ATP10B: variants seen among roughly 807,000 people sequenced by gnomAD.
ATP10B encodes ATPase phospholipid transporting 10B (putative).
Under a neutral mutation model 141.2 loss-of-function variants are expected in ATP10B, and 122 were observed. The ratio of observed to expected loss-of-function variants is 0.86; its 90% CI spans 0.75 to 1.00. The LOEUF is 1.00. Among genes scored for constraint, ATP10B ranks in the 50% least tolerant of loss-of-function variants. The probability of loss-of-function intolerance (pLI) is 0.00; values close to 1 mark genes in which losing one functional copy is unlikely to be tolerated. For missense variants in ATP10B, 1,876 were observed against 1,825.3 expected (o/e 1.03, Z -0.51); for synonymous variants, 685 against 692.0 (o/e 0.99, Z 0.16).
the ATP10B span, among the ~76,000 whole-genome samples, chr5:160,902,070 G>A: frequency 2.4e-4 from 36 of 152,204 alleles, no homozygotes; most frequent in African/African-American, 7.7e-4. Context: ...TCCTGATGGA[G>A]GAAAGGTATG....
intron 2 of ATP10B, among the ~76,000 whole-genome samples, chr5:160,721,260 A>T (rs1437147141): frequency 6.6e-6 from 1 of 152,294 alleles, no homozygotes; most frequent in African/African-American, 2.4e-5. Flanking sequence ...GATGATGCTC[A>T]CTTGATTTAC....
intron 2 of ATP10B, among the ~76,000 whole-genome samples, chr5:160,751,630 CTT>C (rs1352156587): frequency 6.6e-6 from 1 of 152,114 alleles, no homozygotes; most frequent in African/African-American, 2.4e-5. Context: ...TCCGGAGACT[CTT>C]GGCTGCTGGT....
intron 1 of ATP10B, among the ~76,000 whole-genome samples, chr5:160,814,537 C>A (rs56819261): frequency 7.1e-6 from 1 of 141,390 alleles, no homozygotes; most frequent in African/African-American, 2.5e-5. Context: ...ACGGGGAGAA[C>A]GGACCCAAGT....
chr5:160,879,537 T>TAA, the ATP10B span, among the ~76,000 whole-genome samples: 516 of 134,882 alleles, frequency 3.8e-3, 1 homozygote, highest in East Asian at 8.7e-3. Flanking sequence ...AAAGTAAAAT[T>TAA]AAAAAAAAAA....
intron 7 of ATP10B, among the ~76,000 whole-genome samples, chr5:160,652,863 A>T (rs1760886973): frequency 2.1e-5 from 2 of 95,266 alleles, no homozygotes; most frequent in South Asian, 5.7e-4. Context: ...TATAAATTAT[A>T]TATAATATAT....
chr5:160,917,288 G>C, the ATP10B span, among the ~76,000 whole-genome samples: 1 of 47,420 alleles, frequency 2.1e-5, no homozygotes, highest in Non-Finnish European at 4.2e-5. Context: ...TTTTTTTTTT[G>C]GTGCATTATC....
At chr5:160,730,383 T>C (rs1561796003) in intron 2 of ATP10B, among the ~76,000 whole-genome samples, 1 of 152,094 alleles carries the variant, frequency 6.6e-6, no homozygotes, top group Non-Finnish European at 1.5e-5. Context: ...GATGAGGAAC[T>C]TGAGGCAAAT....
At chr5:160,887,566 C>A in the ATP10B span, among the ~76,000 whole-genome samples, 1 of 152,142 alleles carries the variant, frequency 6.6e-6, no homozygotes, top group African/African-American at 2.4e-5. Context: ...GAGCCCAAGT[C>A]CTTAAAGGCC....
Position 160,588,039 on chromosome 5 carries a change from G to A in ATP10B, c.3750+1553C>T, listed in dbSNP as rs560778128. 3.9e-5 allele frequency among the ~76,000 whole-genome samples: 6 copies of A among 152,172 alleles called. No homozygotes were observed. The South Asian group carries it at 6.2e-4, about 16-fold the overall frequency. ...TAATTTTTGTATTTTTAGTAGAGAT[G>A]GGGTTTCACCATGTTGGCCAGGCTG... is the stretch of plus-strand genomic sequence containing the variant. On this transcript the variant is annotated intron_variant, in intron 24 of 25. Coordinates refer to ENST00000327245, the MANE Select transcript of ATP10B (RefSeq NM_025153.3).
At chr5:160,798,578 C>T (rs891588896) in intron 1 of ATP10B, among the ~76,000 whole-genome samples, 1 of 152,082 alleles carries the variant, frequency 6.6e-6, no homozygotes, top group Admixed American at 6.5e-5. Flanking sequence ...CTCCTCTCTC[C>T]TAGACCCTTC....
chr5:160,646,745 A>G (rs1291304670), intron 8 of ATP10B, among the ~76,000 whole-genome samples: 1 of 152,012 alleles, frequency 6.6e-6, no homozygotes, highest in Admixed American at 6.5e-5. Flanking sequence ...AGAGGCTTCT[A>G]CTTCTCTCGG....
rs904349560 is a variant in ATP10B at position 160,663,812 on chromosome 5, A to G, written c.675+6651T>C. ...AATAAAAAAAAATTTCCATTACAAA[A>G]AGCAAACAAACAAACCAAAGAACTA... On this transcript the variant is annotated intron_variant, in intron 7 of 25. Transcript: ENST00000327245. 6.6e-5 allele frequency among the ~76,000 whole-genome samples: 10 copies of G among 152,170 alleles called. No homozygotes were observed. In the South Asian group the frequency reaches 2.1e-3, roughly 32 times the overall value.
At chr5:160,822,703 T>A (rs1774202822) in intron 1 of ATP10B, among the ~76,000 whole-genome samples, 1 of 151,894 alleles carries the variant, frequency 6.6e-6, no homozygotes. Flanking sequence ...GATGCTATTA[T>A]TTGCACCAAC....
At chr5:160,672,929 ATCT>A (rs1297481851) in intron 6 of ATP10B, among the ~76,000 whole-genome samples, 3 of 152,216 alleles carry the variant, frequency 2.0e-5, no homozygotes, top group African/African-American at 7.2e-5. Flanking sequence ...GTTATAAAAG[ATCT>A]TCTCAGAAGA....
intron 2 of ATP10B, among the ~76,000 whole-genome samples, chr5:160,720,848 A>G (rs1765945447): frequency 6.6e-6 from 1 of 152,218 alleles, no homozygotes; most frequent in African/African-American, 2.4e-5. Context: ...TATAATTTGC[A>G]TGCTGCTTAC....
chr5:160,852,972 C>G (rs1340573186), upstream of ATP10B, among the ~76,000 whole-genome samples: 2 of 152,064 alleles, frequency 1.3e-5, no homozygotes, highest in Non-Finnish European at 2.9e-5. Context: ...ATACTAACTT[C>G]ATGAAAATCT....
chr5:160,779,884 G>A (rs1335736682), intron 2 of ATP10B, among the ~76,000 whole-genome samples: 5 of 152,136 alleles, frequency 3.3e-5, no homozygotes, highest in East Asian at 1.9e-4. Context: ...GTATGGCTAT[G>A]TCCTTATCTC....
rs182399687 is a variant in ATP10B, at chr5:160,644,438, T to C, written c.762-194A>G. On this transcript the variant is annotated intron_variant, in intron 8 of 25. Transcript: ENST00000327245. ...ATCTCTTTTTTGCTCCTAGGAGGCC[T>C]GGGTGGGAGCTAGACCATTAGAAGG... Among the ~76,000 whole-genome samples the C allele has an allele frequency of 5.4e-3, 796 of 148,448 alleles. 6 individuals carry two copies. Among genetic ancestry groups the C allele is most frequent in the African/African-American group, 0.019 (745 of 40,058 alleles).
chr5:160,914,302 A>C, the ATP10B span, among the ~76,000 whole-genome samples: 14 of 152,164 alleles, frequency 9.2e-5, no homozygotes, highest in Non-Finnish European at 1.5e-4. Flanking sequence ...GTGTAAGTCT[A>C]ATTGAGGAGT....
Sources: allele counts gnomAD v4.1 joint callset (sites outside exome capture counted in the v4.1 genomes callset), GRCh38; gene constraint gnomAD v4.1.1; transcripts MANE v1.5; gene names NCBI Gene and HGNC (gene_info 2026-07-23, HGNC 2026-07-21).